Variants in ALS2 observed in about 807,000 individuals in gnomAD.
ALS2 encodes the protein alsin.
In ALS2, 117 loss-of-function variants were observed where a neutral mutation model predicts 203.4. The ratio of observed to expected loss-of-function variants is 0.58; its 90% CI spans 0.50 to 0.67. ALS2 has a LOEUF of 0.67. ALS2 is among the 30% of genes least tolerant of loss of function. The probability of loss-of-function intolerance (pLI) is 0.00; values close to 1 mark genes in which losing one functional copy is unlikely to be tolerated. For missense variants in ALS2, 1,715 were observed against 1,989.4 expected, an observed-to-expected ratio of 0.86 and a Z score of 2.62; for synonymous variants, 718 against 725.9, an observed-to-expected ratio of 0.99 and a Z score of 0.17.
At chr2:201,725,031 T>A (rs1196481143) in intron 20 of ALS2, among the ~76,000 whole-genome samples, 4 of 150,574 alleles carry the variant, frequency 2.7e-5, no homozygotes, top group Non-Finnish European at 5.9e-5. Flanking sequence ...GAGAATGGCA[T>A]GAACCTGGGA....
Position 201,710,011 on chromosome 2 carries a change from C to T in ALS2, c.4150G>A (p.Gly1384Ser). ...KACDTPLHPLGRLVETLVAVY... is the reference protein window; with the variant it reads ...KACDTPLHPLSRLVETLVAVY... ...GCAACCAGTGTCTCCACAAGCCTGC[C>T]CAGGGGGTGCAGAGGAGTGTCACAG... Residue 1384 changes from glycine (G) to serine (S), a missense_variant, in exon 27 of 34, where the codon GGC becomes AGC. Gly to Ser is a moderately conservative substitution (Grantham distance 56). This residue lies in a region of ALS2 where 1,227 missense variants were observed against 1,413.5 expected (regional missense o/e 0.87). Transcript: ENST00000264276. 12 of 1,613,812 alleles carry T rather than the reference C, an allele frequency of 7.4e-6. No individual in the cohort carries two copies. Among genetic ancestry groups the T allele is most frequent in the Non-Finnish European group, 1.0e-5 (12 of 1,179,824 alleles).
chr2:201,734,848 G>A (rs1691781801), intron 12 of ALS2, among the ~76,000 whole-genome samples: 1 of 152,162 alleles, frequency 6.6e-6, no homozygotes, highest in East Asian at 1.9e-4. Flanking sequence ...TTTCTTGGGA[G>A]TTTTTAATCT....
intron 1 of ALS2, among the ~76,000 whole-genome samples, chr2:201,770,587 T>A (rs1473198329): frequency 6.6e-6 from 1 of 152,202 alleles, no homozygotes; most frequent in Non-Finnish European, 1.5e-5. Flanking sequence ...TGTGACTATG[T>A]TAGGTTGTGT....
At chr2:201,741,268 A>G (rs1692249886) in intron 11 of ALS2, 1 of 155,960 alleles carries the variant, frequency 6.4e-6, no homozygotes, top group Admixed American at 6.4e-5. Context: ...TATAAAAGTC[A>G]AAAGCAGACA....
rs984102672 is a variant in ALS2, at chr2:201,741,494, T to A, written c.2351+180A>T. ...TCATTATTTTTAAATTTTTTTTCAT[T>A]TAGAGAAGACTAAATTTTAGCAATC... On this transcript the variant is annotated intron_variant, in intron 11 of 33. Coordinates refer to ENST00000264276, the MANE Select transcript of ALS2 (RefSeq NM_020919.4). 1.8e-4 allele frequency: 114 copies of A among 650,810 alleles called. No individual in the cohort carries two copies. In the Admixed American group the frequency reaches 3.0e-3, roughly 17 times the overall value. The allele number at this position is 650,810 out of a possible 1,614,324, so 40.3% of individuals were successfully genotyped here.
rs776870519 is a variant in ALS2 at position 201,761,334 on chromosome 2, G to C, written c.660C>G (p.Leu220=). The change falls in exon 4 of 34, where the codon CTC becomes CTG. Residue 220 remains leucine (L), a synonymous_variant. Coordinates refer to ENST00000264276, the MANE Select transcript of ALS2 (RefSeq NM_020919.4). ...GGACTGGCTTCAGATCCTGGGAAGG[G>C]AGGCATTGTACAAGGGCTAAGCTGT... ...AFHSLALVQC[L]PSQDLKPVPE... The C allele has an allele frequency of 9.9e-6, 16 of 1,614,026 alleles. No homozygotes were observed. The highest frequency in any genetic ancestry group is 5.0e-5 in the Admixed American group (3 of 60,000).
At chr2:201,711,199 A>ACTTT in intron 25 of ALS2, 91 bp from the exon 26 acceptor site, 3 of 829,898 alleles carry the variant, frequency 3.6e-6, no homozygotes, top group Non-Finnish European at 6.2e-6. Context: ...CACTAGCTCC[A>ACTTT]GTCAAAGTGG....
chr2:201,767,435 C>G, intron 2 of ALS2, 52 bp from the exon 3 acceptor site: 1 of 1,583,336 alleles, frequency 6.3e-7, no homozygotes, highest in Non-Finnish European at 8.7e-7. Flanking sequence ...AGAACAGTAT[C>G]CTTTGTTCTT....
intron 1 of ALS2, among the ~76,000 whole-genome samples, chr2:201,775,913 T>C (rs1211121841): frequency 6.6e-6 from 1 of 152,226 alleles, no homozygotes; most frequent in Non-Finnish European, 1.5e-5. Context: ...GGTCAGAGAC[T>C]ATGACTTATT....
At chr2:201,766,026 T>C (rs1451626543) in intron 3 of ALS2, among the ~76,000 whole-genome samples, 1 of 152,180 alleles carries the variant, frequency 6.6e-6, no homozygotes, top group Non-Finnish European at 1.5e-5. Flanking sequence ...GCAGATTCAG[T>C]GAGATAACAC....
rs775452810 is a variant in ALS2, at chr2:201,701,756, T to C, written c.*95A>G. On this transcript the variant is annotated 3_prime_UTR_variant, in exon 34 of 34. Coordinates refer to ENST00000264276, the MANE Select transcript of ALS2 (RefSeq NM_020919.4). ...CTAAATAACACAAAGTCCTTTCCAA[T>C]TTCAACACTGTTCTTTTTTGCCACT... is the stretch of plus-strand genomic sequence containing the variant. 10 of 1,230,790 alleles carry C rather than the reference T, an allele frequency of 8.1e-6. No individual in the cohort carries two copies. The highest frequency in any genetic ancestry group is 1.2e-5 in the Non-Finnish European group (10 of 835,438). 76.2% of individuals were successfully genotyped at this position (1,230,790 alleles called of 1,614,324 possible).
chr2:201,711,198 C>A, intron 25 of ALS2, 90 bp from the exon 26 acceptor site: 1 of 832,554 alleles, frequency 1.2e-6, no homozygotes, highest in Non-Finnish European at 2.1e-6. Context: ...TCACTAGCTC[C>A]AGTCAAAGTG....
intron 29 of ALS2, among the ~76,000 whole-genome samples, chr2:201,706,535 TTA>T (rs34345642): frequency 0.68 from 98,054 of 143,760 alleles, 34,163 homozygotes; most frequent in Non-Finnish European, 0.77. Context: ...AGCTCACACT[TTA>T]TATATATATA....
chr2:201,780,364 T>C (rs556784324), intron 1 of ALS2, among the ~76,000 whole-genome samples: 5 of 152,344 alleles, frequency 3.3e-5, no homozygotes, highest in African/African-American at 7.2e-5. Context: ...AGCTATTTTC[T>C]TTCTCCGCAA....
chr2:201,715,858 C>T lies in ALS2; in HGVS notation c.3837-19G>A. ...CTTCCTGCTAATAAAGTCATATCAACCTTTTATTAATCATTTCTTTTGTGC... is the reference window on the plus strand; with the variant it reads ...CTTCCTGCTAATAAAGTCATATCAATCTTTTATTAATCATTTCTTTTGTGC... On this transcript the variant is annotated intron_variant, in intron 24 of 33. Transcript: ENST00000264276. 2 of 1,613,758 alleles carry T rather than the reference C, an allele frequency of 1.2e-6. No homozygotes were observed. The highest frequency in any genetic ancestry group is 1.7e-6 in the Non-Finnish European group (2 of 1,179,652).
chr2:201,775,614 A>AGGCTGAGGAAAACTC (rs1240724262), intron 1 of ALS2, among the ~76,000 whole-genome samples: 4 of 152,148 alleles, frequency 2.6e-5, no homozygotes, highest in Non-Finnish European at 5.9e-5. Flanking sequence ...CCACTGTGGA[A>AGGCTGAGGAAAACTC]GGCTGAGGAA....
chr2:201,715,535 T>C (rs1574677184), intron 25 of ALS2, 137 bp downstream of exon 25: 1 of 964,222 alleles, frequency 1.0e-6, no homozygotes, highest in East Asian at 2.6e-5. Flanking sequence ...AAAGAAAGTG[T>C]GTTTTAATCT....
chr2:201,746,490 C>T, intron 9 of ALS2, 76 bp downstream of exon 9: 1 of 1,530,904 alleles, frequency 6.5e-7, no homozygotes, highest in Admixed American at 1.7e-5. Context: ...ATTAGCCATA[C>T]ATACAAATAA....
Position 201,709,918 on chromosome 2 carries a change from T to C in ALS2, c.4243A>G (p.Ile1415Val). Reference protein sequence around the residue: ...RRLLQEAVKEIKSYLKRIFQL... With the variant: ...RRLLQEAVKEVKSYLKRIFQL... ...AAAATTCGCTTAAGATAGGACTTAA[T>C]CTCCTTTACAGCCTCCTGCAATAAC... The change falls in exon 27 of 34, where the codon ATT becomes GTT. Residue 1415 changes from isoleucine (I) to valine (V), a missense_variant. Physicochemically the swap from Ile to Val is conservative, Grantham distance 29. Transcript: ENST00000264276. The C allele has an allele frequency of 6.2e-7, 1 of 1,614,134 alleles. No individual in the cohort carries two copies. The highest frequency in any genetic ancestry group is 8.5e-7 in the Non-Finnish European group (1 of 1,180,012).
Sources: allele counts gnomAD v4.1 joint callset (sites outside exome capture counted in the v4.1 genomes callset), GRCh38; gene constraint gnomAD v4.1.1; regional missense constraint gnomAD v4.1.1; transcripts MANE v1.5; gene names NCBI Gene and HGNC (gene_info 2026-07-23, HGNC 2026-07-21).